The following GPR89B variants were observed in gnomAD, a reference collection of about 807,000 sequenced individuals.
GPR89B encodes G protein-coupled receptor 89B.
A neutral mutation model predicts 52.4 loss-of-function variants in GPR89B; 25 were observed. The observed-to-expected ratio is 0.48, with a 90% CI of 0.35 to 0.67. GPR89B has a LOEUF of 0.67. Ranked by LOEUF, GPR89B falls within the 30% of genes least tolerant of loss-of-function variation. GPR89B has a pLI of 0.01. For synonymous variants in GPR89B, 52 were observed against 151.2 expected (o/e 0.34, Z 4.81); for missense variants, 146 against 450.2 (o/e 0.32, Z 6.11).
At chr1:147,978,628 G>C (rs1490100111) in intron 10 of GPR89B, among the ~76,000 whole-genome samples, 34 of 151,350 alleles carry the variant, frequency 2.2e-4, no homozygotes, top group Non-Finnish European at 4.1e-4. Context: ...GCCCCCAGGG[G>C]CTCCTTCCCA....
chr1:148,021,625 A>T, the GPR89B span, among the ~76,000 whole-genome samples: 7 of 151,784 alleles, frequency 4.6e-5, no homozygotes, highest in Admixed American at 3.3e-4. Flanking sequence ...GGGGCCTCGG[A>T]CCTTCCTGTC....
intron 5 of GPR89B, among the ~76,000 whole-genome samples, chr1:147,946,042 G>A (rs1295981588): frequency 1.3e-4 from 19 of 151,592 alleles, no homozygotes; most frequent in African/African-American, 4.6e-4. Flanking sequence ...TTCTAGAGCT[G>A]TTCTATCAGC....
intron 3 of GPR89B, among the ~76,000 whole-genome samples, chr1:147,940,210 T>C (rs1277857594): frequency 6.6e-6 from 1 of 151,928 alleles, no homozygotes; most frequent in East Asian, 1.9e-4. Flanking sequence ...AAGACCATCC[T>C]GGCTAACATG....
chr1:148,019,257 G>A, the GPR89B span, among the ~76,000 whole-genome samples: 1 of 151,438 alleles, frequency 6.6e-6, no homozygotes, highest in Non-Finnish European at 1.5e-5. Flanking sequence ...TTACAGATGT[G>A]AACCACCACA....
intron 5 of GPR89B, among the ~76,000 whole-genome samples, chr1:147,950,535 G>A (rs1392841203): frequency 1.3e-5 from 2 of 152,180 alleles, no homozygotes; most frequent in African/African-American, 2.4e-5. Context: ...ACGGGGTGGC[G>A]CCGGGCAGAG....
At chr1:148,025,516 T>A in the GPR89B span, among the ~76,000 whole-genome samples, 2 of 85,374 alleles carry the variant, frequency 2.3e-5, no homozygotes, top group Non-Finnish European at 2.1e-5. Flanking sequence ...AGAACTAAAC[T>A]CTGTCTCAAA....
chr1:147,980,530 A>AT (rs1288526689), intron 10 of GPR89B, among the ~76,000 whole-genome samples: 1 of 131,928 alleles, frequency 7.6e-6, no homozygotes, highest in East Asian at 2.2e-4. Context: ...AGAGACTGTT[A>AT]TTTTTTTCAT....
chr1:147,930,416 A>G (rs1215503974), intron 1 of GPR89B, among the ~76,000 whole-genome samples: 36 of 152,050 alleles, frequency 2.4e-4, no homozygotes, highest in African/African-American at 8.2e-4. Flanking sequence ...ATTTATTACT[A>G]TGGTTCATTT....
chr1:147,981,549 A>G (rs1204158552), intron 10 of GPR89B, among the ~76,000 whole-genome samples: 1 of 150,424 alleles, frequency 6.6e-6, no homozygotes, highest in Non-Finnish European at 1.5e-5. Flanking sequence ...ATTTCATTTT[A>G]TAGGTACACC....
chr1:147,981,290 A>G (rs1403183174), intron 10 of GPR89B, among the ~76,000 whole-genome samples: 1 of 149,342 alleles, frequency 6.7e-6, no homozygotes, highest in African/African-American at 2.5e-5. Flanking sequence ...AAACAAAGGG[A>G]AACCCCATTC....
At position 147,928,439 on chromosome 1, in the gene GPR89B, C is replaced by G. The variant is rs1281749953; in HGVS notation, c.-98C>G. 20 of 1,465,628 alleles carry G rather than the reference C, an allele frequency of 1.4e-5. No individual in the cohort carries two copies. The highest frequency in any genetic ancestry group is 1.7e-5 in the Non-Finnish European group (18 of 1,056,046). 90.8% of individuals were successfully genotyped at this position (1,465,628 alleles called of 1,614,324 possible). On this transcript the variant is annotated 5_prime_UTR_variant, in exon 1 of 14. Transcript: ENST00000314163. ...AGAGCCGCAGTCCCGGCTGCAGCAC[C>G]TGGGAGAAGGCAGACCGTGTGAGGG...
At chr1:147,970,125 C>T (rs1657306407) in intron 10 of GPR89B, among the ~76,000 whole-genome samples, 166 bp downstream of exon 10, 1 of 151,802 alleles carries the variant, frequency 6.6e-6, no homozygotes, top group Non-Finnish European at 1.5e-5. Flanking sequence ...ATCCTCTCTC[C>T]TTTTTAGATT....
chr1:147,970,421 C>T (rs1213471588), intron 10 of GPR89B, among the ~76,000 whole-genome samples: 12 of 151,704 alleles, frequency 7.9e-5, no homozygotes, highest in Non-Finnish European at 1.2e-4. Flanking sequence ...CGCTTGAACC[C>T]GAGAGGCGGA....
chr1:147,969,917 T>G lies in GPR89B; in HGVS notation c.867T>G (p.Leu289=). 3.3e-6 allele frequency: 5 copies of G among 1,494,032 alleles called. No homozygotes were observed. The highest frequency in any genetic ancestry group is 4.5e-6 in the Non-Finnish European group (5 of 1,117,954). The allele number at this position is 1,494,032 out of a possible 1,614,324, so 92.5% of individuals were successfully genotyped here. A position where few individuals can be genotyped will look rare whatever the true frequency, so the allele number is the denominator to read the frequency against. Residue 289 remains leucine (L), a synonymous_variant, in exon 10 of 14, where the codon CTT becomes CTG. Coordinates refer to ENST00000314163, the MANE Select transcript of GPR89B (RefSeq NM_016334.5). ...TCAAGGGGAAATATTTTAATTTTCT[T>G]GGTTACTTTTTCTCTATTTACTGTG... ...KTFKGKYFNF[L]GYFFSIYCVW... is the part of the protein sequence containing the mutation.
chr1:147,952,518 T>G (rs1320406269), intron 5 of GPR89B, among the ~76,000 whole-genome samples: 3 of 152,016 alleles, frequency 2.0e-5, no homozygotes, highest in African/African-American at 7.3e-5. Flanking sequence ...AATTTTCAGT[T>G]TTGAAGCTGA....
chr1:148,009,371 G>A, the GPR89B span: 5 of 1,612,048 alleles, frequency 3.1e-6, no homozygotes, highest in East Asian at 4.5e-5. Flanking sequence ...AGAAGCCATG[G>A]CTGCCTCCCT....
At chr1:147,945,821 C>T (rs1434507772) in intron 5 of GPR89B, among the ~76,000 whole-genome samples, 8 of 150,928 alleles carry the variant, frequency 5.3e-5, no homozygotes, top group Non-Finnish European at 1.0e-4. Context: ...GACTCCCAGG[C>T]TCAAGTGATC....
At chr1:148,002,266 A>G in the GPR89B span, among the ~76,000 whole-genome samples, 1 of 152,004 alleles carries the variant, frequency 6.6e-6, no homozygotes, top group African/African-American at 2.4e-5. Flanking sequence ...TCCAGTCCCC[A>G]TATCTAGACG....
chr1:147,961,575 C>A (rs1156688234), intron 7 of GPR89B, among the ~76,000 whole-genome samples: 2 of 152,156 alleles, frequency 1.3e-5, no homozygotes, highest in East Asian at 3.8e-4. Context: ...GAGGCTAAAG[C>A]GAGAGGATTG....
Sources: gnomAD v4.1 joint callset for allele counts (sites outside exome capture counted in the v4.1 genomes callset) on GRCh38, gnomAD v4.1.1 for gene constraint, MANE v1.5 for transcripts, NCBI Gene and HGNC (gene_info 2026-07-23, HGNC 2026-07-21) for gene names.